ALK: variants seen among roughly 807,000 people sequenced by gnomAD.
ALK encodes the protein ALK receptor tyrosine kinase.
ALK carries 74 observed loss-of-function variants against 163.1 expected under a neutral mutation model. The ratio of observed to expected loss-of-function variants is 0.45; its 90% CI spans 0.38 to 0.55. ALK has a LOEUF of 0.55. Ranked by LOEUF, ALK falls within the 20% of genes least tolerant of loss-of-function variation. The pLI, the probability that ALK is intolerant of heterozygous loss-of-function variation, is 0.00. For missense variants in ALK, 2,063 were observed against 2,105.3 expected, an observed-to-expected ratio of 0.98 and a Z score of 0.39; for synonymous variants, 960 against 843.2, an observed-to-expected ratio of 1.14 and a Z score of -2.40.
chr2:29,744,861 C>T (rs565282988), intron 1 of ALK, among the ~76,000 whole-genome samples: 3 of 152,178 alleles, frequency 2.0e-5, no homozygotes, highest in African/African-American at 7.2e-5. Context: ...CCAACGCAAC[C>T]TCAGAACTCA....
intron 1 of ALK, among the ~76,000 whole-genome samples, chr2:29,838,132 T>C (rs1301516814): frequency 6.6e-6 from 1 of 152,014 alleles, no homozygotes; most frequent in African/African-American, 2.4e-5. Context: ...AAAAGATTAG[T>C]GAACTTGAAG....
At chr2:29,741,174 T>C (rs1680049106) in intron 1 of ALK, among the ~76,000 whole-genome samples, 1 of 152,044 alleles carries the variant, frequency 6.6e-6, no homozygotes, top group Non-Finnish European at 1.5e-5. Flanking sequence ...AAAAGATTAG[T>C]GTTTGCTAGG....
chr2:29,455,260 G>A (rs1167389188), intron 4 of ALK, among the ~76,000 whole-genome samples: 1 of 152,156 alleles, frequency 6.6e-6, no homozygotes, highest in Admixed American at 6.5e-5. Flanking sequence ...CTGGAGTCCT[G>A]CCTTTGTCTC....
intron 3 of ALK, among the ~76,000 whole-genome samples, chr2:29,623,702 A>T (rs961111300): frequency 6.6e-6 from 1 of 152,242 alleles, no homozygotes; most frequent in Non-Finnish European, 1.5e-5. Context: ...TATAAAATTC[A>T]TCTAGAGTTT....
chr2:29,653,502 C>A (rs1223450304), intron 3 of ALK, among the ~76,000 whole-genome samples: 1 of 151,972 alleles, frequency 6.6e-6, no homozygotes, highest in Non-Finnish European at 1.5e-5. Flanking sequence ...TTGCCTCTTG[C>A]TTACCTAACT....
intron 25 of ALK, chr2:29,208,006 C>T (rs1558613373): frequency 2.3e-6 from 1 of 443,220 alleles, no homozygotes; most frequent in Admixed American, 2.4e-5. Context: ...TTAATTACCT[C>T]AATAAATAAG....
At chr2:29,560,413 C>T (rs1428240612) in intron 3 of ALK, among the ~76,000 whole-genome samples, 1 of 152,094 alleles carries the variant, frequency 6.6e-6, no homozygotes, top group Non-Finnish European at 1.5e-5. Context: ...TTAAGGGTTG[C>T]CTGGGGCTTG....
At chr2:29,545,218 T>G (rs1044582308) in intron 3 of ALK, among the ~76,000 whole-genome samples, 5 of 152,192 alleles carry the variant, frequency 3.3e-5, no homozygotes, top group African/African-American at 1.2e-4. Context: ...GGTCCTCCTT[T>G]TGAAATCACT....
chr2:29,275,108 C>A lies in ALK; in HGVS notation c.2032G>T (p.Asp678Tyr), dbSNP rs892131322. Residue 678 changes from aspartate to tyrosine, a missense_variant, in exon 11 of 29, where the codon GAC becomes TAC. Physicochemically the swap from Asp to Tyr is radical, Grantham distance 160. This residue lies in a region of ALK where 987 missense variants were observed against 939.5 expected (regional missense o/e 1.05). Coordinates refer to ENST00000389048, the MANE Select transcript of ALK (RefSeq NM_004304.5). ...TGAGCTGAACCCTTACCTGTAGGGT[C>A]AAAGATGGGGGTCTGTCTTGGTGAA... is the stretch of plus-strand genomic sequence containing the variant. ...ENSPRQTPIF[D>Y]PTVHWLFTTC... 6.2e-7 allele frequency: 1 copy of A among 1,614,116 alleles called. No individual in the cohort carries two copies. Among genetic ancestry groups the A allele is most frequent in the Middle Eastern group, 1.7e-4 (1 of 5,994 alleles).
intron 4 of ALK, among the ~76,000 whole-genome samples, chr2:29,430,695 G>C (rs562013644): frequency 5.9e-4 from 90 of 152,352 alleles, no homozygotes; most frequent in Non-Finnish European, 1.1e-3. Context: ...TACCCAGACT[G>C]TGATAGGTAC....
intron 2 of ALK, among the ~76,000 whole-genome samples, chr2:29,705,279 A>ATCTATC (rs1400247742): frequency 1.4e-4 from 5 of 35,096 alleles, no homozygotes; most frequent in African/African-American, 1.3e-3. Context: ...ATATATATAT[A>ATCTATC]TAAATATATA....
chr2:29,270,254 G>A lies in ALK; in HGVS notation c.2041+4845C>T, dbSNP rs556424026. On this transcript the variant is annotated intron_variant, in intron 11 of 28. Transcript: ENST00000389048. ...GCTTAGAAATTTTCACTTTCTGCAT[G>A]ATTTTTAAGAAACATGATCATTTGC... Among the ~76,000 whole-genome samples, 11 of 152,340 alleles carry A rather than the reference G, an allele frequency of 7.2e-5. No individual in the cohort carries two copies. The South Asian group carries it at 2.3e-3, about 32-fold the overall frequency.
At chr2:29,242,552 C>A (rs915290376) in intron 12 of ALK, among the ~76,000 whole-genome samples, 1 of 152,184 alleles carries the variant, frequency 6.6e-6, no homozygotes, top group Non-Finnish European at 1.5e-5. Context: ...TGAGAGCCAG[C>A]CCCATCTATG....
At chr2:29,578,671 T>C (rs1674593119) in intron 3 of ALK, among the ~76,000 whole-genome samples, 1 of 152,160 alleles carries the variant, frequency 6.6e-6, no homozygotes, top group Non-Finnish European at 1.5e-5. Context: ...TATGTGATGA[T>C]GAAGGGGTCA....
intron 1 of ALK, among the ~76,000 whole-genome samples, chr2:29,871,345 G>T (rs940072457): frequency 6.6e-6 from 1 of 152,086 alleles, no homozygotes; most frequent in Non-Finnish European, 1.5e-5. Context: ...CTGACCCCTG[G>T]AATCCTACTG....
chr2:29,535,963 T>C lies in ALK; in HGVS notation c.953-3847A>G, dbSNP rs567995401. On this transcript the variant is annotated intron_variant, in intron 3 of 28. Coordinates refer to ENST00000389048, the MANE Select transcript of ALK (RefSeq NM_004304.5). ...AAGATGTAAGGAAGTAAGCTGTGGT[T>C]CCCTGCCCTGCCTTCCTCTCTCCCG... is the stretch of plus-strand genomic sequence containing the variant. Among the ~76,000 whole-genome samples the C allele has an allele frequency of 2.0e-5, 3 of 152,310 alleles. No individual in the cohort carries two copies. The East Asian group carries it at 5.8e-4, about 29-fold the overall frequency.
intron 3 of ALK, among the ~76,000 whole-genome samples, chr2:29,673,683 A>T (rs1349993563): frequency 6.6e-6 from 1 of 151,072 alleles, no homozygotes; most frequent in Admixed American, 6.6e-5. Flanking sequence ...TTCCATATGA[A>T]CTTTAAAGTA....
intron 6 of ALK, among the ~76,000 whole-genome samples, chr2:29,326,303 C>G (rs145385760): frequency 6.6e-6 from 1 of 152,252 alleles, no homozygotes; most frequent in Non-Finnish European, 1.5e-5. Flanking sequence ...GTTCAGGGCT[C>G]TAATCTGTCC....
chr2:29,221,218 A>C (rs1669795368), intron 22 of ALK: 3 of 538,502 alleles, frequency 5.6e-6, no homozygotes, highest in Non-Finnish European at 1.1e-5. Context: ...GTGAAGCAAA[A>C]CAACTGCTTC....
Sources: gnomAD v4.1 joint callset for allele counts (sites outside exome capture counted in the v4.1 genomes callset) on GRCh38, gnomAD v4.1.1 for gene constraint, gnomAD v4.1.1 regional missense constraint, MANE v1.5 for transcripts, NCBI Gene and HGNC (gene_info 2026-07-23, HGNC 2026-07-21) for gene names.